Variants in OLFM3 observed in about 807,000 individuals in gnomAD.
The protein encoded by OLFM3 is olfactomedin 3.
A neutral mutation model predicts 48.6 loss-of-function variants in OLFM3; 20 were observed. That is an observed-to-expected ratio of 0.41 (90% CI 0.29 to 0.60). OLFM3 has a LOEUF of 0.60. Ranked by LOEUF, OLFM3 falls within the 20% of genes least tolerant of loss-of-function variation. The pLI is 0.28. For synonymous variants in OLFM3, 222 were observed against 198.1 expected (o/e 1.12, Z -1.01); for missense variants, 437 against 544.3 (o/e 0.80, Z 1.96).
intron 4 of OLFM3, among the ~76,000 whole-genome samples, chr1:101,817,567 G>A (rs1007385564): frequency 1.3e-5 from 2 of 151,960 alleles, no homozygotes; most frequent in Non-Finnish European, 2.9e-5. Context: ...CAGTTGTTTG[G>A]ACTAACGAAG....
At chr1:101,848,174 G>A (rs998513891) in intron 1 of OLFM3, among the ~76,000 whole-genome samples, 14 of 151,996 alleles carry the variant, frequency 9.2e-5, no homozygotes, top group African/African-American at 3.4e-4. Flanking sequence ...TCCAATATAT[G>A]TGTTTTAAAG....
At chr1:101,982,001 A>G (rs769424681) in intron 1 of OLFM3, among the ~76,000 whole-genome samples, 13 of 152,184 alleles carry the variant, frequency 8.5e-5, no homozygotes, top group Non-Finnish European at 1.3e-4. Context: ...TAAACATTGA[A>G]AAAACACTGG....
intron 1 of OLFM3, among the ~76,000 whole-genome samples, chr1:101,925,480 T>C (rs1271579316): frequency 1.3e-5 from 2 of 151,948 alleles, no homozygotes; most frequent in Non-Finnish European, 2.9e-5. Context: ...TATGTGAGTG[T>C]GTGTGTGTGT....
At chr1:101,935,694 A>G (rs1180545585) in intron 1 of OLFM3, among the ~76,000 whole-genome samples, 3 of 152,176 alleles carry the variant, frequency 2.0e-5, no homozygotes, top group African/African-American at 4.8e-5. Context: ...ACAGGGAAGT[A>G]TTTTTTATGA....
chr1:101,806,237 C>G (rs375617986), intron 4 of OLFM3, 55 bp from the exon 5 acceptor site: 20 of 1,302,326 alleles, frequency 1.5e-5, no homozygotes, highest in Non-Finnish European at 2.2e-5. Context: ...GATTCCAATA[C>G]GCATACTCAC....
chr1:101,910,187 C>G, intron 1 of OLFM3: 1 of 973,750 alleles, frequency 1.0e-6, no homozygotes, highest in South Asian at 4.7e-5. Flanking sequence ...ACATTCTCGA[C>G]CGGGCGCGGT....
intron 1 of OLFM3, among the ~76,000 whole-genome samples, chr1:101,984,459 G>A (rs932211839): frequency 6.6e-6 from 1 of 151,528 alleles, no homozygotes; most frequent in Non-Finnish European, 1.5e-5. Flanking sequence ...GTGCAGAGGC[G>A]CCATCTTGGC....
At chr1:101,899,180 G>A (rs972837671) in intron 1 of OLFM3, among the ~76,000 whole-genome samples, 3 of 152,132 alleles carry the variant, frequency 2.0e-5, no homozygotes, top group East Asian at 3.9e-4. Context: ...AATTGGGGAC[G>A]ATCGGCTTTT....
At chr1:101,974,952 AG>A (rs2101101085) in intron 1 of OLFM3, among the ~76,000 whole-genome samples, 1 of 152,296 alleles carries the variant, frequency 6.6e-6, no homozygotes, top group African/African-American at 2.4e-5. Context: ...AAGAGATGTC[AG>A]AAAAACTGTT....
intron 1 of OLFM3, among the ~76,000 whole-genome samples, chr1:101,954,378 A>G (rs1261341983): frequency 6.6e-6 from 1 of 152,102 alleles, no homozygotes; most frequent in Admixed American, 6.6e-5. Flanking sequence ...ACATGAGTAA[A>G]TGTGCAAAGT....
chr1:101,922,724 C>G (rs1430695133), intron 1 of OLFM3, among the ~76,000 whole-genome samples: 2 of 152,052 alleles, frequency 1.3e-5, no homozygotes, highest in Non-Finnish European at 1.5e-5. Context: ...TGTGTTGTAA[C>G]CTGGAACACC....
chr1:101,915,877 C>A (rs7521861), intron 1 of OLFM3, among the ~76,000 whole-genome samples: 69,670 of 151,894 alleles, frequency 0.46, 16,109 homozygotes, highest in East Asian at 0.59. Flanking sequence ...AATTATTACC[C>A]GTATTAGCAC....
At chr1:101,851,039 A>G (rs369528490) in intron 1 of OLFM3, among the ~76,000 whole-genome samples, 1 of 152,278 alleles carries the variant, frequency 6.6e-6, no homozygotes, top group African/African-American at 2.4e-5. Context: ...TCTTGTTAGC[A>G]AGTTAAGTAG....
intron 1 of OLFM3, among the ~76,000 whole-genome samples, chr1:101,972,136 T>C (rs1347574552): frequency 6.6e-6 from 1 of 152,208 alleles, no homozygotes; most frequent in Non-Finnish European, 1.5e-5. Context: ...TCTTTGATGT[T>C]TGATTTTACT....
intron 1 of OLFM3, among the ~76,000 whole-genome samples, chr1:101,938,867 G>C (rs571457647): frequency 6.6e-6 from 1 of 152,246 alleles, no homozygotes; most frequent in South Asian, 2.1e-4. Context: ...CAACATGTTT[G>C]CTAGGATAAA....
chr1:101,883,135 T>A (rs12134654), intron 1 of OLFM3, among the ~76,000 whole-genome samples: 71,068 of 151,414 alleles, frequency 0.47, 17,411 homozygotes, highest in Non-Finnish European at 0.56. Context: ...TCTGCAAAAC[T>A]GTCCCAGGTA....
chr1:101,847,494 A>C (rs1656053411), intron 1 of OLFM3, among the ~76,000 whole-genome samples: 1 of 151,916 alleles, frequency 6.6e-6, no homozygotes, highest in Non-Finnish European at 1.5e-5. Flanking sequence ...GTCTGCAAAT[A>C]ATTTTCCAGA....
chr1:101,906,180 C>A (rs1208172655), intron 1 of OLFM3, among the ~76,000 whole-genome samples: 1 of 151,746 alleles, frequency 6.6e-6, no homozygotes, highest in Non-Finnish European at 1.5e-5. Context: ...CCTTTTATAG[C>A]TCCAGTTTTT....
intron 1 of OLFM3, among the ~76,000 whole-genome samples, chr1:101,842,711 T>A (rs1364140865): frequency 6.6e-6 from 1 of 152,174 alleles, no homozygotes; most frequent in Non-Finnish European, 1.5e-5. Context: ...GACCTCTGCA[T>A]GAAAGGGATT....
Sources: allele counts gnomAD v4.1 joint callset (sites outside exome capture counted in the v4.1 genomes callset), GRCh38; gene constraint gnomAD v4.1.1; transcripts MANE v1.5; gene names NCBI Gene and HGNC (gene_info 2026-07-23, HGNC 2026-07-21).